SLC6A13: variants seen among roughly 807,000 people sequenced by gnomAD.
SLC6A13 encodes sodium- and chloride-dependent GABA transporter 2.
In SLC6A13, 69 loss-of-function variants were observed where a neutral mutation model predicts 72.9. The observed-to-expected ratio is 0.95, with a 90% CI of 0.78 to 1.16. The LOEUF (loss-of-function observed/expected upper bound fraction) is 1.16, where lower values mean the gene tolerates loss of function less well. Ranked by LOEUF, SLC6A13 falls within the 50% of genes most tolerant of loss-of-function variation. The pLI, the probability that SLC6A13 is intolerant of heterozygous loss-of-function variation, is 0.00. For synonymous variants in SLC6A13, 303 were observed against 303.0 expected, an observed-to-expected ratio of 1.00 and a Z score of 0.00; for missense variants, 735 against 760.5, an observed-to-expected ratio of 0.97 and a Z score of 0.39.
intron 4 of SLC6A13, among the ~76,000 whole-genome samples, chr12:239,402 C>T (rs958333922): frequency 5.3e-5 from 8 of 152,196 alleles, no homozygotes. Context: ...CGTGCCTCCT[C>T]AGTTCCTTCT....
At chr12:231,021 G>T (rs1023300002) in intron 7 of SLC6A13, among the ~76,000 whole-genome samples, 1 of 152,304 alleles carries the variant, frequency 6.6e-6, no homozygotes, top group South Asian at 2.1e-4. Flanking sequence ...CTTGCTTAAC[G>T]CAGGGATCTA....
In SLC6A13 at chr12:254,647, C is replaced by T. The variant is rs553370114; in HGVS notation, c.202+5204G>A. Among the ~76,000 whole-genome samples, 50 of 152,302 alleles carry T rather than the reference C, an allele frequency of 3.3e-4. No individual in the cohort carries two copies. In the South Asian group the frequency reaches 9.9e-3, roughly 30 times the overall value. On this transcript the variant is annotated intron_variant, in intron 2 of 14. Coordinates refer to ENST00000343164, the MANE Select transcript of SLC6A13 (RefSeq NM_016615.5). This position sits in a 1 kb window ranked among gnomAD's most constrained non-coding sequence, Gnocchi z 4.4. ...TCTGTCTCCTCTGCTGGTTTCCCAT[C>T]TTCTCCCAGACCCACTAAAGGTCCT...
At chr12:224,773 T>C (rs1035390830) in intron 9 of SLC6A13, among the ~76,000 whole-genome samples, 34 of 151,978 alleles carry the variant, frequency 2.2e-4, no homozygotes, top group African/African-American at 8.2e-4. Context: ...GGGCTGTGGG[T>C]CTAAAACGAC....
At chr12:237,451 C>G (rs1046319701) in intron 5 of SLC6A13, among the ~76,000 whole-genome samples, 161 bp from the exon 6 acceptor site, 1 of 152,324 alleles carries the variant, frequency 6.6e-6, no homozygotes, top group African/African-American at 2.4e-5. Context: ...TGGAGGTGGA[C>G]ATAAAGGTGG....
chr12:259,594 C>G (rs1942860831), intron 2 of SLC6A13: 4 of 1,415,910 alleles, frequency 2.8e-6, no homozygotes, highest in Non-Finnish European at 3.7e-6. Context: ...GAGCCAGAAT[C>G]CAAACTCTCA....
Position 254,361 on chromosome 12 carries a change from ATTCCT to A in SLC6A13, c.202+5485_202+5489del, listed in dbSNP as rs1565508675. 6.6e-6 allele frequency among the ~76,000 whole-genome samples: 1 copy of A among 152,066 alleles called. No individual in the cohort carries two copies. Among genetic ancestry groups the A allele is most frequent in the Non-Finnish European group, 1.5e-5 (1 of 68,004 alleles). On this transcript the variant is annotated intron_variant, in intron 2 of 14. Coordinates refer to ENST00000343164, the MANE Select transcript of SLC6A13 (RefSeq NM_016615.5). The surrounding 1 kb of genome is among the most constrained non-coding windows in gnomAD (Gnocchi z 4.4). ...CAATAACCCACATTTACTATTTCCA[ATTCCT>A]TTCTCCCATCTCCCCCATTATCTTA... is the stretch of plus-strand genomic sequence containing the variant.
Position 224,064 on chromosome 12 carries a change from C to T in SLC6A13, c.1239G>A (p.Lys413=), listed in dbSNP as rs748990457. 5.6e-6 allele frequency: 9 copies of T among 1,614,046 alleles called. No individual in the cohort carries two copies. The highest frequency in any genetic ancestry group is 6.8e-6 in the Non-Finnish European group (8 of 1,180,024). The change falls in exon 11 of 15, where the codon AAG becomes AAA. Residue 413 remains lysine, a synonymous_variant. Transcript: ENST00000343164. ...CAAGGATGAGGACTTCCCTCCGGTT[C>T]TTCTTGCGGAACACGTGAGGGTACA... ...VDMYPHVFRK[K]NRREVLILGV...
intron 7 of SLC6A13, among the ~76,000 whole-genome samples, chr12:233,064 T>G (rs758174411): frequency 7.9e-5 from 12 of 152,214 alleles, no homozygotes; most frequent in Non-Finnish European, 1.8e-4. Context: ...CATCCCAGTG[T>G]GTCTTCCACG....
At chr12:228,550 AC>A (rs994989911) in intron 7 of SLC6A13, among the ~76,000 whole-genome samples, 33 of 150,560 alleles carry the variant, frequency 2.2e-4, no homozygotes, top group African/African-American at 7.8e-4. Context: ...TCATTCCAGA[AC>A]CCCCCCAAGC....
In SLC6A13 at chr12:242,842, G is replaced by C. The variant is rs540501747; in HGVS notation, c.338-88C>G. 2.9e-5 allele frequency: 37 copies of C among 1,280,868 alleles called. 1 individual carries two copies. The South Asian group carries it at 5.3e-4, about 18-fold the overall frequency. 79.3% of individuals were successfully genotyped at this position (1,280,868 alleles called of 1,614,324 possible). On this transcript the variant is annotated intron_variant, in intron 3 of 14. Transcript: ENST00000343164. ...TCAGCTATGCGGGACGCTGAGGTGA[G>C]AGGATTGTCTGAGGCTGGGAGTTCA...
At chr12:245,049 A>G (rs917064301) in intron 2 of SLC6A13, among the ~76,000 whole-genome samples, 2 of 152,230 alleles carry the variant, frequency 1.3e-5, no homozygotes, top group Non-Finnish European at 2.9e-5. Context: ...ACAGAGTACC[A>G]GAGAAGACAG....
At chr12:231,764 A>G (rs541596274) in intron 7 of SLC6A13, among the ~76,000 whole-genome samples, 1 of 152,228 alleles carries the variant, frequency 6.6e-6, no homozygotes, top group Non-Finnish European at 1.5e-5. Context: ...GTTGAAAGCT[A>G]CCTGGTCCAC....
chr12:231,931 G>C (rs1388470081), intron 7 of SLC6A13, among the ~76,000 whole-genome samples: 2 of 152,324 alleles, frequency 1.3e-5, no homozygotes, highest in South Asian at 2.1e-4. Flanking sequence ...TCGTCTCCAA[G>C]AGTGGATCAT....
intron 7 of SLC6A13, among the ~76,000 whole-genome samples, chr12:229,833 T>G (rs1941632001): frequency 6.6e-6 from 1 of 152,082 alleles, no homozygotes; most frequent in South Asian, 2.1e-4. Flanking sequence ...GAACTTGTGC[T>G]TGGGAAGGAA....
chr12:243,952 C>G, intron 2 of SLC6A13, 139 bp from the exon 3 acceptor site: 1 of 736,570 alleles, frequency 1.4e-6, no homozygotes. Flanking sequence ...AGACAGCTGT[C>G]TAGATGTTTG....
chr12:246,840 T>G (rs1340093563), intron 2 of SLC6A13, among the ~76,000 whole-genome samples: 1 of 152,022 alleles, frequency 6.6e-6, no homozygotes, highest in East Asian at 1.9e-4. Context: ...AAACCCTGTC[T>G]CTACTAAAAG....
Position 223,202 on chromosome 12 carries a change from G to C in SLC6A13, c.1344C>G (p.Tyr448Ter). 6.2e-7 allele frequency: 1 copy of C among 1,613,646 alleles called. No homozygotes were observed. Among genetic ancestry groups the C allele is most frequent in the Non-Finnish European group, 8.5e-7 (1 of 1,179,554 alleles). The change falls in exon 12 of 15, where the codon TAC (tyrosine) becomes TAG (stop). Residue 448 changes from tyrosine to a stop codon, truncating the protein, a stop_gained. Coordinates refer to ENST00000343164, the MANE Select transcript of SLC6A13 (RefSeq NM_016615.5). LOFTEE classifies it high-confidence loss of function. ...GGMYVFQLFD[Y>*]YAASGMCLLF... ...GGAGGCACATGCCACTGGCCGCATA[G>C]TAGTCAAAGAGCTGGAACACGTACA...
At chr12:248,468 ATCT>A (rs1420125654) in intron 2 of SLC6A13, among the ~76,000 whole-genome samples, 2 of 151,832 alleles carry the variant, frequency 1.3e-5, no homozygotes, top group Non-Finnish European at 2.9e-5. Context: ...TGTAAAGTTT[ATCT>A]TAATGTCACA....
intron 2 of SLC6A13, among the ~76,000 whole-genome samples, chr12:255,090 C>G (rs149458927): frequency 2.4e-4 from 37 of 152,322 alleles, no homozygotes; most frequent in African/African-American, 7.5e-4. Flanking sequence ...CAGGTGAAAA[C>G]TCTCGGATTG....
Sources: gnomAD v4.1 joint callset for allele counts (sites outside exome capture counted in the v4.1 genomes callset) on GRCh38, gnomAD v4.1.1 for gene constraint, Gnocchi (gnomAD v3.1) non-coding constraint, MANE v1.5 for transcripts, NCBI Gene and HGNC (gene_info 2026-07-23, HGNC 2026-07-21) for gene names.